Variants in HMGA1 observed in about 807,000 individuals in gnomAD.
HMGA1 encodes high mobility group AT-hook 1.
HMGA1 carries 1 observed loss-of-function variant against 15.1 expected under a neutral mutation model. The observed-to-expected ratio is 0.07, with a 90% CI of 0.02 to 0.31. The LOEUF is 0.31. Among genes scored for constraint, HMGA1 ranks in the 10% least tolerant of loss-of-function variants. HMGA1 has a pLI of 1.00. For synonymous variants in HMGA1, 56 were observed against 54.8 expected, an observed-to-expected ratio of 1.02 and a Z score of -0.10; for missense variants, 94 against 141.4, an observed-to-expected ratio of 0.66 and a Z score of 1.70.
intron 3 of HMGA1, 111 bp from the exon 4 acceptor site, chr6:34,242,601 T>C: frequency 2.6e-6 from 2 of 757,172 alleles, no homozygotes; most frequent in East Asian, 5.5e-5. Context: ...GGATGGTTTG[T>C]GGTTCTTGGT....
At chr6:34,238,947 C>T (rs945784980) in intron 2 of HMGA1, 2 of 152,128 alleles carry the variant, frequency 1.3e-5, no homozygotes, top group African/African-American at 2.4e-5. Flanking sequence ...CCCAGGCAGA[C>T]CTTATATGAG....
chr6:34,238,621 A>G (rs1386541553), intron 2 of HMGA1, among the ~76,000 whole-genome samples: 2 of 152,318 alleles, frequency 1.3e-5, no homozygotes, highest in Non-Finnish European at 1.5e-5. Context: ...TTGAGGCCCA[A>G]GCGGGCTTAT....
chr6:34,237,179 C>T lies in HMGA1; in HGVS notation c.-158-25C>T, dbSNP rs1761824315. ...GCACGCGGCGGCGGCGGTCTCTGAGCGCCTCTGCTCTCTCCCGGTTTCAGA... is the reference window on the plus strand; with the variant it reads ...GCACGCGGCGGCGGCGGTCTCTGAGTGCCTCTGCTCTCTCCCGGTTTCAGA... On this transcript the variant is annotated intron_variant, in intron 1 of 5. Coordinates refer to ENST00000311487, the MANE Select transcript of HMGA1 (RefSeq NM_145899.3). 8 of 5,642 alleles carry T rather than the reference C, an allele frequency of 1.4e-3. No homozygotes were observed. In the South Asian group the frequency reaches 0.075, roughly 53 times the overall value. 0.3% of individuals were successfully genotyped at this position (5,642 alleles called of 1,614,324 possible). A position where few individuals can be genotyped will look rare whatever the true frequency, so the allele number is the denominator to read the frequency against.
chr6:34,245,064 C>A lies in HMGA1; in HGVS notation c.*180C>A, dbSNP rs560272359. ...ACACTACACAGCACACCAGCCGCTG[C>A]AGGGCTCCCATGGGCTGAGTGGGGA... On this transcript the variant is annotated 3_prime_UTR_variant, in exon 6 of 6. Coordinates refer to ENST00000311487, the MANE Select transcript of HMGA1 (RefSeq NM_145899.3). 372 of 1,533,932 alleles carry A rather than the reference C, an allele frequency of 2.4e-4. 2 individuals carry two copies. Among genetic ancestry groups the A allele is most frequent in the Middle Eastern group, 1.4e-3 (8 of 5,864 alleles).
intron 4 of HMGA1, 33 bp from the exon 5 acceptor site, chr6:34,243,435 T>G (rs754887316): frequency 1.3e-6 from 2 of 1,572,866 alleles, no homozygotes; most frequent in Admixed American, 3.3e-5. Context: ...ATGAGCATTT[T>G]GGACTTAGGA....
intron 2 of HMGA1, among the ~76,000 whole-genome samples, chr6:34,238,337 G>C (rs915089746): frequency 2.2e-4 from 33 of 152,190 alleles, no homozygotes; most frequent in Middle Eastern, 3.4e-3. Flanking sequence ...CCCTCGGGCC[G>C]GGTCTGGAGC....
At chr6:34,237,638 G>C (rs1023702381) in intron 2 of HMGA1, among the ~76,000 whole-genome samples, 7 of 147,680 alleles carry the variant, frequency 4.7e-5, no homozygotes, top group Non-Finnish European at 9.0e-5. Context: ...ACCCGGCGGA[G>C]CCCGGAGGAG....
rs186898726 is a variant in HMGA1, at chr6:34,243,688, G to A, written c.270+170G>A. On this transcript the variant is annotated intron_variant, in intron 5 of 5. Transcript: ENST00000311487. ...GGGGAAGGTACCTGGCCTGGGCTGT[G>A]CCCATGAGAAGTGAGGGGTCCCAGG... is the stretch of plus-strand genomic sequence containing the variant. 3.0e-3 allele frequency among the ~76,000 whole-genome samples: 460 copies of A among 152,242 alleles called. 3 individuals are homozygous for A. The highest frequency in any genetic ancestry group is 0.011 in the African/African-American group (447 of 41,526).
In HMGA1 at chr6:34,244,878, G is replaced by A; in HGVS notation, c.318G>A (p.Glu106=). The change falls in exon 6 of 6, where the codon GAG becomes GAA. Residue 106 remains glutamate (E), a synonymous_variant. Transcript: ENST00000311487. ...EGISQESSEE[E]Q ...TCTCGCAGGAGTCCTCGGAGGAGGA[G>A]CAGTGACCCATGCGTGCCGCCTGCT... 6.4e-7 allele frequency: 1 copy of A among 1,561,780 alleles called. No individual in the cohort carries two copies. Among genetic ancestry groups the A allele is most frequent in the Non-Finnish European group, 8.7e-7 (1 of 1,153,208 alleles).
At chr6:34,237,639 C>T (rs1761894546) in intron 2 of HMGA1, among the ~76,000 whole-genome samples, 1 of 147,516 alleles carries the variant, frequency 6.8e-6, no homozygotes, top group Non-Finnish European at 1.5e-5. Context: ...CCCGGCGGAG[C>T]CCGGAGGAGC....
At chr6:34,241,258 A>T (rs1320859754) in intron 3 of HMGA1, among the ~76,000 whole-genome samples, 1 of 152,232 alleles carries the variant, frequency 6.6e-6, no homozygotes, top group African/African-American at 2.4e-5. Context: ...CAGTAATTTT[A>T]AAATGCAGTA....
intron 2 of HMGA1, chr6:34,239,039 C>T (rs1480301886): frequency 6.6e-6 from 1 of 152,134 alleles, no homozygotes; most frequent in Non-Finnish European, 1.5e-5. Context: ...TAATCACTGC[C>T]TGTAATTGCA....
chr6:34,237,863 C>T (rs1284366104), intron 2 of HMGA1, among the ~76,000 whole-genome samples: 3 of 151,976 alleles, frequency 2.0e-5, no homozygotes, highest in Non-Finnish European at 2.9e-5. Flanking sequence ...TCTCTCGCGC[C>T]CCCTCCGCAG....
Position 34,242,696 on chromosome 6 carries a change from C to G in HMGA1, c.136-16C>G. 1.3e-6 allele frequency: 2 copies of G among 1,549,342 alleles called. No homozygotes were observed. Among genetic ancestry groups the G allele is most frequent in the Admixed American group, 1.9e-5 (1 of 53,260 alleles). Reference sequence around the variant, plus strand: ...CAGGTGATGACTGTCCCTGACTACCCCCTCTGTCTTTACAGAAGGAGCCCA... The same window carrying G: ...CAGGTGATGACTGTCCCTGACTACCGCCTCTGTCTTTACAGAAGGAGCCCA... On this transcript the variant is annotated splice_polypyrimidine_tract_variant and intron_variant, in intron 3 of 5. Transcript: ENST00000311487.
At chr6:34,237,621 G>A (rs1761890927) in intron 2 of HMGA1, among the ~76,000 whole-genome samples, 1 of 148,352 alleles carries the variant, frequency 6.7e-6, no homozygotes. Context: ...GCGAGCGCGA[G>A]TTGTGCACCC....
rs1762738645 is a variant in HMGA1 at position 34,246,231 on chromosome 6, A to C, written c.*1347A>C. On this transcript the variant is annotated 3_prime_UTR_variant, in exon 6 of 6. Coordinates refer to ENST00000311487, the MANE Select transcript of HMGA1 (RefSeq NM_145899.3). ...GAATAAAAAAAATATCCTTTTCTGG[A>C]CTGGAGTCTCCTGTGGTGTGTGCCC... The C allele has an allele frequency of 2.9e-6, 1 of 342,030 alleles. No individual in the cohort carries two copies. Among genetic ancestry groups the C allele is most frequent in the Non-Finnish European group, 5.3e-6 (1 of 189,210 alleles). 21.2% of individuals were successfully genotyped at this position (342,030 alleles called of 1,614,324 possible). A position where few individuals can be genotyped will look rare whatever the true frequency, so the allele number is the denominator to read the frequency against.
At chr6:34,238,295 G>C (rs1761990997) in intron 2 of HMGA1, among the ~76,000 whole-genome samples, 1 of 152,108 alleles carries the variant, frequency 6.6e-6, no homozygotes, top group African/African-American at 2.4e-5. Context: ...CGGCCGGCCT[G>C]CAACGGCCGG....
intron 2 of HMGA1, chr6:34,239,078 A>C (rs1016295781): frequency 2.0e-5 from 3 of 152,224 alleles, no homozygotes; most frequent in Admixed American, 6.5e-5. Context: ...ATGACGGAGC[A>C]GGATAAATCA....
At chr6:34,237,393 T>C (rs1351323167) in intron 2 of HMGA1, 76 bp downstream of exon 2, 1 of 143,350 alleles carries the variant, frequency 7.0e-6, no homozygotes, top group African/African-American at 2.5e-5. Flanking sequence ...TCGCCCCTCC[T>C]GCGAGCCGCC....
Sources: gnomAD v4.1 joint callset for allele counts (sites outside exome capture counted in the v4.1 genomes callset) on GRCh38, gnomAD v4.1.1 for gene constraint, MANE v1.5 for transcripts, NCBI Gene and HGNC (gene_info 2026-07-23, HGNC 2026-07-21) for gene names.